ARF4: variants seen among roughly 807,000 people sequenced by gnomAD.
ARF4 encodes the protein ADP-ribosylation factor 4.
Under a neutral mutation model 24.3 loss-of-function variants are expected in ARF4, and 5 were observed. The observed-to-expected ratio is 0.21, with a 90% CI of 0.11 to 0.43. ARF4 has a LOEUF of 0.43. ARF4 is among the 20% of genes least tolerant of loss of function. The pLI, the probability that ARF4 is intolerant of heterozygous loss-of-function variation, is 1.00. For missense variants in ARF4, 107 were observed against 213.0 expected (o/e 0.50, Z 3.10); for synonymous variants, 62 against 73.5 (o/e 0.84, Z 0.80).
At chr3:57,594,326 G>T (rs2070154910) in intron 1 of ARF4, among the ~76,000 whole-genome samples, 1 of 152,152 alleles carries the variant, frequency 6.6e-6, no homozygotes, top group Non-Finnish European at 1.5e-5. Context: ...GCCTCAATGT[G>T]ATCCTCCCAA....
At chr3:57,584,293 A>G (rs1453650794) in intron 2 of ARF4, 91 bp downstream of exon 2, 4 of 1,183,386 alleles carry the variant, frequency 3.4e-6, no homozygotes, top group Middle Eastern at 2.8e-4. Flanking sequence ...GATAATCAAC[A>G]TGCTTAACAA....
chr3:57,588,741 G>A (rs2070068622), intron 1 of ARF4, among the ~76,000 whole-genome samples: 1 of 139,418 alleles, frequency 7.2e-6, no homozygotes, highest in African/African-American at 2.7e-5. Context: ...TGGATGACCT[G>A]AGCTCAGGAG....
At chr3:57,581,719 G>A (rs1417874166) in intron 3 of ARF4, among the ~76,000 whole-genome samples, 3 of 152,162 alleles carry the variant, frequency 2.0e-5, no homozygotes, top group East Asian at 3.9e-4. Flanking sequence ...AGAATCGCTT[G>A]AACCCAGGAG....
chr3:57,591,186 T>C (rs2070111976), intron 1 of ARF4, among the ~76,000 whole-genome samples: 1 of 152,194 alleles, frequency 6.6e-6, no homozygotes, highest in African/African-American at 2.4e-5. Flanking sequence ...TCAAGACGGT[T>C]ACCATGACAC....
At chr3:57,575,348 G>C (rs1575780324) in intron 5 of ARF4, among the ~76,000 whole-genome samples, 200 bp downstream of exon 5, 1 of 148,754 alleles carries the variant, frequency 6.7e-6, no homozygotes. Context: ...ATAATCTTTA[G>C]ACCTATTCTA....
chr3:57,580,780 T>A (rs1374539371), intron 3 of ARF4, among the ~76,000 whole-genome samples: 1 of 151,488 alleles, frequency 6.6e-6, no homozygotes, highest in Non-Finnish European at 1.5e-5. Flanking sequence ...TATTCTTTTT[T>A]TTTTTTTTTA....
At chr3:57,576,932 C>A (rs1380361032) in intron 4 of ARF4, among the ~76,000 whole-genome samples, 3 of 151,960 alleles carry the variant, frequency 2.0e-5, no homozygotes, top group Non-Finnish European at 4.4e-5. Context: ...AACATCTGAA[C>A]CAAGATTCCT....
chr3:57,591,154 G>A (rs1490847603), intron 1 of ARF4, among the ~76,000 whole-genome samples: 1 of 152,134 alleles, frequency 6.6e-6, no homozygotes, highest in Non-Finnish European at 1.5e-5. Context: ...AAATGGAAAT[G>A]TTTGTCAGGT....
At chr3:57,578,053 AAAAC>A (rs985011138) in intron 3 of ARF4, among the ~76,000 whole-genome samples, 2 of 152,098 alleles carry the variant, frequency 1.3e-5, no homozygotes, top group African/African-American at 4.8e-5. Flanking sequence ...CCTATCTCAA[AAAAC>A]AAACAAAAAA....
intron 1 of ARF4, among the ~76,000 whole-genome samples, chr3:57,595,179 G>A (rs2070166099): frequency 1.3e-5 from 2 of 152,156 alleles, no homozygotes; most frequent in African/African-American, 4.8e-5. Context: ...AATGCTGGTA[G>A]CATACTTCTA....
At chr3:57,574,187 C>A (rs557827882) in intron 5 of ARF4, among the ~76,000 whole-genome samples, 178 of 152,238 alleles carry the variant, frequency 1.2e-3, no homozygotes, top group African/African-American at 3.9e-3. Flanking sequence ...GATCCACCCA[C>A]CTCAGCCTCC....
chr3:57,577,355 A>C lies in ARF4; in HGVS notation c.291T>G (p.Arg97=). The C allele has an allele frequency of 6.2e-7, 1 of 1,613,746 alleles. No individual in the cohort carries two copies. Among genetic ancestry groups the C allele is most frequent in the Non-Finnish European group, 8.5e-7 (1 of 1,179,894 alleles). ...GLIFVVDSND[R]ERIQEVADEL... ...CATCTGCTACTTCCTGAATTCTTTC[A>C]CGATCGTTGCTATCTACCACAAAAA... is the stretch of plus-strand genomic sequence containing the variant. Residue 97 remains arginine (R), a synonymous_variant, in exon 4 of 6, where the codon CGT becomes CGG. Coordinates refer to ENST00000303436, the MANE Select transcript of ARF4 (RefSeq NM_001660.4).
Position 57,594,903 on chromosome 3 carries a change from A to G in ARF4, c.67+2171T>C, listed in dbSNP as rs191978601. ...ACCACCTTTTTCCCTGTTCATGCAC[A>G]TATCTCCCTCGTACGTTGATACTTC... On this transcript the variant is annotated intron_variant, in intron 1 of 5. Coordinates refer to ENST00000303436, the MANE Select transcript of ARF4 (RefSeq NM_001660.4). Among the ~76,000 whole-genome samples, 41 of 152,352 alleles carry G rather than the reference A, an allele frequency of 2.7e-4. No homozygotes were observed. The South Asian group carries it at 6.2e-3, about 23-fold the overall frequency.
At chr3:57,586,024 G>GA (rs1272995769) in intron 1 of ARF4, among the ~76,000 whole-genome samples, 1 of 151,776 alleles carries the variant, frequency 6.6e-6, no homozygotes, top group African/African-American at 2.4e-5. Flanking sequence ...GTTTGCTTGT[G>GA]AAAAAAAATC....
chr3:57,596,268 T>C (rs182198416), intron 1 of ARF4, among the ~76,000 whole-genome samples: 2 of 152,354 alleles, frequency 1.3e-5, no homozygotes, highest in Non-Finnish European at 2.9e-5. Flanking sequence ...AGCGTCATGA[T>C]GTTCAGTTAC....
At chr3:57,573,834 C>T (rs1575779462) in intron 5 of ARF4, among the ~76,000 whole-genome samples, 1 of 152,136 alleles carries the variant, frequency 6.6e-6, no homozygotes, top group South Asian at 2.1e-4. Context: ...CGCCCACCTT[C>T]GCCTCCCAAA....
At position 57,573,153 on chromosome 3, in the gene ARF4, G is replaced by T. The variant is rs147369053; in HGVS notation, c.457-855C>A. On this transcript the variant is annotated intron_variant, in intron 5 of 5. Coordinates refer to ENST00000303436, the MANE Select transcript of ARF4 (RefSeq NM_001660.4). ...GAAGGCAGAGCTTGCAGTGAGCCGA[G>T]ATCGTGCCACAGCACTCCAGCCTGG... Among the ~76,000 whole-genome samples, 736 of 148,820 alleles carry T rather than the reference G, an allele frequency of 4.9e-3. 5 individuals carry two copies. The highest frequency in any genetic ancestry group is 0.017 in the African/African-American group (699 of 40,572).
rs920255091 is a variant in ARF4 at position 57,582,274 on chromosome 3, G to A, written c.258+1624C>T. Among the ~76,000 whole-genome samples, 9 of 150,594 alleles carry A rather than the reference G, an allele frequency of 6.0e-5. 1 individual carries two copies. The highest frequency in any genetic ancestry group is 5.3e-4 in the Admixed American group (8 of 15,132). ...TTTTTTTTTTTTGAGACAGAGTCTCGCTTTGTCACCCATGCTGGAGTGCAA... is the reference window on the plus strand; with the variant it reads ...TTTTTTTTTTTTGAGACAGAGTCTCACTTTGTCACCCATGCTGGAGTGCAA... On this transcript the variant is annotated intron_variant, in intron 3 of 5. Coordinates refer to ENST00000303436, the MANE Select transcript of ARF4 (RefSeq NM_001660.4).
At chr3:57,594,124 C>T (rs528420737) in intron 1 of ARF4, among the ~76,000 whole-genome samples, 71 of 152,056 alleles carry the variant, frequency 4.7e-4, no homozygotes, top group African/African-American at 1.4e-3. Context: ...GGCTTGGTGG[C>T]GGGCGCTTGT....
Sources: gnomAD v4.1 joint callset for allele counts (sites outside exome capture counted in the v4.1 genomes callset) on GRCh38, gnomAD v4.1.1 for gene constraint, MANE v1.5 for transcripts, NCBI Gene and HGNC (gene_info 2026-07-23, HGNC 2026-07-21) for gene names.